Variants in LAMA1 observed in about 807,000 individuals in gnomAD.
LAMA1 encodes laminin subunit alpha 1.
Under a neutral mutation model 348.7 loss-of-function variants are expected in LAMA1, and 219 were observed. The observed-to-expected ratio is 0.63, with a 90% confidence interval of 0.56 to 0.70. The LOEUF (loss-of-function observed/expected upper bound fraction) is 0.70, where lower values mean the gene tolerates loss of function less well. Among genes scored for constraint, LAMA1 ranks in the 30% least tolerant of loss-of-function variants. The probability of loss-of-function intolerance (pLI) is 0.00; values close to 1 mark genes in which losing one functional copy is unlikely to be tolerated. For synonymous variants in LAMA1, 1,487 were observed against 1,491.0 expected, an observed-to-expected ratio of 1.00 and a Z score of 0.06; for missense variants, 3,744 against 3,888.0, an observed-to-expected ratio of 0.96 and a Z score of 0.99.
At chr18:6,965,265 G>A in intron 50 of LAMA1, 23 bp downstream of exon 50, 1 of 1,613,976 alleles carries the variant, frequency 6.2e-7, no homozygotes, top group Non-Finnish European at 8.5e-7. Context: ...ACCGACATCT[G>A]GTGAGTCCAT....
chr18:7,078,725 C>G (rs1456831821), intron 3 of LAMA1, among the ~76,000 whole-genome samples: 2 of 152,062 alleles, frequency 1.3e-5, no homozygotes, highest in Admixed American at 6.5e-5. Context: ...TCTGGTGGCT[C>G]ACTCCTGTAA....
intron 1 of LAMA1, among the ~76,000 whole-genome samples, chr18:7,096,423 T>C (rs2058261389): frequency 6.6e-6 from 1 of 152,102 alleles, no homozygotes; most frequent in Non-Finnish European, 1.5e-5. Flanking sequence ...ACACCTATAA[T>C]CCCAGCATTT....
chr18:7,096,111 T>C (rs1272584921), intron 1 of LAMA1, among the ~76,000 whole-genome samples: 1 of 152,196 alleles, frequency 6.6e-6, no homozygotes, highest in Non-Finnish European at 1.5e-5. Flanking sequence ...GTATGGTATA[T>C]GTGTGTGTGA....
chr18:7,026,967 C>CAG, intron 16 of LAMA1, among the ~76,000 whole-genome samples: 1 of 144,514 alleles, frequency 6.9e-6, no homozygotes, highest in East Asian at 2.0e-4. Flanking sequence ...GCCTGGGTGA[C>CAG]AGCGAGACTC....
Position 7,000,805 on chromosome 18 carries a change from C to T in LAMA1, c.4383-808G>A, listed in dbSNP as rs192883100. ...GAAGTTTCCAGCGTCAGTTATCAGC[C>T]CCATACCACTTCCGACTCTTTTTCC... On this transcript the variant is annotated intron_variant, in intron 30 of 62. Coordinates refer to ENST00000389658, the MANE Select transcript of LAMA1 (RefSeq NM_005559.4). Among the ~76,000 whole-genome samples, 562 of 152,196 alleles carry T rather than the reference C, an allele frequency of 3.7e-3. 3 individuals carry two copies. The highest frequency in any genetic ancestry group is 4.8e-3 in the Non-Finnish European group (327 of 68,028).
At position 7,085,665 on chromosome 18, in the gene LAMA1, G is replaced by A. The variant is rs376287544; in HGVS notation, c.62-5208C>T. 2.4e-3 allele frequency among the ~76,000 whole-genome samples: 369 copies of A among 152,044 alleles called. 1 individual carries two copies. Among genetic ancestry groups the A allele is most frequent in the South Asian group, 8.3e-3 (40 of 4,818 alleles). ...GATCTCCTGACTTCCTGATCCGCCCGCCTCAGCCTCCCAAAGTGCTGGGAT... is the reference window on the plus strand; with the variant it reads ...GATCTCCTGACTTCCTGATCCGCCCACCTCAGCCTCCCAAAGTGCTGGGAT... On this transcript the variant is annotated intron_variant, in intron 1 of 62. Transcript: ENST00000389658.
chr18:6,979,628 G>T (rs533636125), intron 42 of LAMA1, among the ~76,000 whole-genome samples: 1 of 152,176 alleles, frequency 6.6e-6, no homozygotes, highest in East Asian at 1.9e-4. Context: ...GGCCAGGCGC[G>T]GTGGCTCACG....
At position 7,061,182 on chromosome 18, in the gene LAMA1, C is replaced by A. The variant is rs111249022; in HGVS notation, c.346-10246G>T. ...CTCATCCCCCACAAAAAGTGTTGAA[C>A]TGCTTTATCTAAGAAACAGAACAGA... is the stretch of plus-strand genomic sequence containing the variant. On this transcript the variant is annotated intron_variant, in intron 3 of 62. Transcript: ENST00000389658. 9.5e-3 allele frequency among the ~76,000 whole-genome samples: 1,443 copies of A among 152,300 alleles called. 23 individuals are homozygous for A. Among genetic ancestry groups the A allele is most frequent in the African/African-American group, 0.031 (1,277 of 41,570 alleles).
intron 12 of LAMA1, among the ~76,000 whole-genome samples, chr18:7,036,910 C>A (rs375385007): frequency 3.3e-5 from 5 of 152,096 alleles, no homozygotes; most frequent in African/African-American, 1.2e-4. Flanking sequence ...AATTGAGATG[C>A]ATTCTCGGGA....
At chr18:7,097,538 T>G (rs1048148019) in intron 1 of LAMA1, among the ~76,000 whole-genome samples, 5 of 143,546 alleles carry the variant, frequency 3.5e-5, no homozygotes, top group Non-Finnish European at 7.5e-5. Flanking sequence ...GGCAAGCTGA[T>G]ACAATTGGAA....
intron 1 of LAMA1, among the ~76,000 whole-genome samples, chr18:7,101,181 G>A (rs1195087645): frequency 6.6e-6 from 1 of 152,188 alleles, no homozygotes; most frequent in Admixed American, 6.5e-5. Context: ...TGATTGTATA[G>A]CACTCTAAAT....
chr18:6,984,491 T>TA (rs966715392), intron 39 of LAMA1, among the ~76,000 whole-genome samples: 7 of 152,238 alleles, frequency 4.6e-5, no homozygotes, highest in South Asian at 4.1e-4. Context: ...TGAGGGTTTT[T>TA]AAAAAATCAC....
At chr18:7,112,704 T>G (rs1319065831) in intron 1 of LAMA1, among the ~76,000 whole-genome samples, 1 of 151,628 alleles carries the variant, frequency 6.6e-6, no homozygotes, top group Non-Finnish European at 1.5e-5. Flanking sequence ...TGGCACGATC[T>G]CGGCTCACCA....
rs184736392 is a variant in LAMA1, at chr18:7,052,934, C to T, written c.346-1998G>A. Among the ~76,000 whole-genome samples, 1,135 of 152,144 alleles carry T rather than the reference C, an allele frequency of 7.5e-3. 6 individuals are homozygous for T. Among genetic ancestry groups the T allele is most frequent in the Middle Eastern group, 0.037 (11 of 294 alleles). ...ACTCGGGAGGCTGAGGCAGGAGAAT[C>T]GCTTGAACCCAGGAGGCGGAGGTTG... On this transcript the variant is annotated intron_variant, in intron 3 of 62. Transcript: ENST00000389658.
rs1008792894 is a variant in LAMA1, at chr18:6,958,754, G to T, written c.7779-92C>A. The T allele has an allele frequency of 8.9e-6, 10 of 1,122,132 alleles. No individual in the cohort carries two copies. The African/African-American group carries it at 1.6e-4, about 18-fold the overall frequency. 69.5% of individuals were successfully genotyped at this position (1,122,132 alleles called of 1,614,324 possible). Reference sequence around the variant, plus strand: ...TCCATAATTCCCACAAGTTCTCACTGAATAATAAAAGTTCCCTAAAGGTTC... The same window carrying T: ...TCCATAATTCCCACAAGTTCTCACTTAATAATAAAAGTTCCCTAAAGGTTC... On this transcript the variant is annotated intron_variant, in intron 54 of 62. Coordinates refer to ENST00000389658, the MANE Select transcript of LAMA1 (RefSeq NM_005559.4).
At chr18:7,015,961 T>C (rs1301957372) in intron 21 of LAMA1, 103 bp from the exon 22 acceptor site, 3 of 1,413,282 alleles carry the variant, frequency 2.1e-6, no homozygotes, top group Non-Finnish European at 3.0e-6. Context: ...AAGCCACTCT[T>C]CTCACTCCTA....
intron 54 of LAMA1, 142 bp from the exon 55 acceptor site, chr18:6,958,804 C>A: frequency 1.5e-6 from 1 of 687,722 alleles, no homozygotes. Flanking sequence ...CTGTCTGTGA[C>A]CAAAAAGGTG....
chr18:6,966,456 A>G (rs978645122), intron 48 of LAMA1, among the ~76,000 whole-genome samples, 159 bp from the exon 49 acceptor site: 2 of 152,234 alleles, frequency 1.3e-5, no homozygotes, highest in Admixed American at 6.5e-5. Context: ...TATGCTTGCC[A>G]TGTGAAGATG....
At chr18:7,032,951 G>A (rs961779762) in intron 15 of LAMA1, 33 bp downstream of exon 15, 7 of 1,506,076 alleles carry the variant, frequency 4.6e-6, no homozygotes, top group African/African-American at 1.4e-5. Flanking sequence ...AGGAAGGAAC[G>A]AAAGGAAAAA....
Sources: allele counts gnomAD v4.1 joint callset (sites outside exome capture counted in the v4.1 genomes callset), GRCh38; gene constraint gnomAD v4.1.1; transcripts MANE v1.5; gene names NCBI Gene and HGNC (gene_info 2026-07-23, HGNC 2026-07-21).